DCLK1: variants seen among roughly 807,000 people sequenced by gnomAD.
DCLK1 encodes the protein serine/threonine-protein kinase DCLK1.
In DCLK1, 16 loss-of-function variants were observed where a neutral mutation model predicts 86.2. The observed-to-expected ratio is 0.19, with a 90% CI of 0.13 to 0.28. The LOEUF is 0.28. Ranked by LOEUF, DCLK1 falls within the 10% of genes least tolerant of loss-of-function variation. The probability of loss-of-function intolerance (pLI) is 1.00; values close to 1 mark genes in which losing one functional copy is unlikely to be tolerated. For synonymous variants in DCLK1, 369 were observed against 370.5 expected, an observed-to-expected ratio of 1.00 and a Z score of 0.05; for missense variants, 590 against 940.2, an observed-to-expected ratio of 0.63 and a Z score of 4.87.
chr13:35,886,494 C>T (rs1456787063), intron 4 of DCLK1, among the ~76,000 whole-genome samples: 2 of 151,932 alleles, frequency 1.3e-5, no homozygotes, highest in African/African-American at 2.4e-5. Flanking sequence ...AGAAAAAGCT[C>T]CCCCCGATGT....
At chr13:35,915,503 C>T (rs760367650) in intron 4 of DCLK1, among the ~76,000 whole-genome samples, 15 of 152,230 alleles carry the variant, frequency 9.9e-5, no homozygotes, top group Admixed American at 3.9e-4. Flanking sequence ...GAGTTGGAGA[C>T]CAGCCTGGGC....
chr13:35,920,793 A>G (rs1268612628), intron 4 of DCLK1, among the ~76,000 whole-genome samples: 1 of 152,068 alleles, frequency 6.6e-6, no homozygotes, highest in East Asian at 1.9e-4. Flanking sequence ...TCCCCCATAC[A>G]TACACAGCTG....
At chr13:35,996,079 C>T (rs1880459950) in intron 3 of DCLK1, among the ~76,000 whole-genome samples, 1 of 152,124 alleles carries the variant, frequency 6.6e-6, no homozygotes, top group African/African-American at 2.4e-5. Context: ...CAGGTGCCCA[C>T]CACCACGCCC....
chr13:35,872,088 A>C (rs1872311069), intron 4 of DCLK1, among the ~76,000 whole-genome samples: 1 of 152,196 alleles, frequency 6.6e-6, no homozygotes, highest in South Asian at 2.1e-4. Flanking sequence ...TTTCTCTCTT[A>C]GTGAGCTCCC....
intron 3 of DCLK1, among the ~76,000 whole-genome samples, chr13:36,026,077 G>C (rs1336308363): frequency 6.6e-6 from 1 of 152,090 alleles, no homozygotes; most frequent in Admixed American, 6.5e-5. Context: ...TGTCATGTTA[G>C]CTATACATTT....
chr13:36,117,686 A>G (rs558937942), intron 2 of DCLK1, among the ~76,000 whole-genome samples: 8 of 152,352 alleles, frequency 5.3e-5, no homozygotes, highest in African/African-American at 1.9e-4. Flanking sequence ...TAACAATGAA[A>G]CCTAAAAATT....
At chr13:35,900,632 C>T (rs1566593402) in intron 4 of DCLK1, among the ~76,000 whole-genome samples, 1 of 152,186 alleles carries the variant, frequency 6.6e-6, no homozygotes, top group African/African-American at 2.4e-5. Context: ...TGTTTCTCAA[C>T]CTTTGCACTA....
chr13:35,895,456 A>T lies in DCLK1; in HGVS notation c.824-24116T>A, dbSNP rs115877768. 9.4e-3 allele frequency among the ~76,000 whole-genome samples: 1,427 copies of T among 152,276 alleles called. 19 individuals are homozygous for T. The highest frequency in any genetic ancestry group is 0.033 in the African/African-American group (1,352 of 41,548). On this transcript the variant is annotated intron_variant, in intron 4 of 16. Coordinates refer to ENST00000360631, the MANE Select transcript of DCLK1 (RefSeq NM_001330071.2). The stretch of plus-strand genomic sequence containing the variant: ...ATTTACTTTTAGACTGGTCCCATTT[A>T]AATTACATGTAGGTATATTTTTCTA...
chr13:35,911,108 C>T (rs1298751988), intron 4 of DCLK1, among the ~76,000 whole-genome samples: 6 of 138,624 alleles, frequency 4.3e-5, no homozygotes, highest in Admixed American at 2.4e-4. Context: ...ACGGTGAAAC[C>T]CCATCTCTAC....
At chr13:35,875,195 AAG>A (rs1234316738) in intron 4 of DCLK1, among the ~76,000 whole-genome samples, 1 of 152,266 alleles carries the variant, frequency 6.6e-6, no homozygotes, top group East Asian at 1.9e-4. Flanking sequence ...AATAAAAATC[AAG>A]ATGATCATGA....
chr13:35,785,736 G>A (rs539269367), intron 16 of DCLK1, among the ~76,000 whole-genome samples: 4 of 152,208 alleles, frequency 2.6e-5, no homozygotes, highest in Non-Finnish European at 4.4e-5. Context: ...AGCCATGAGC[G>A]CTTTAAACAC....
chr13:36,012,192 C>A (rs532608308), intron 3 of DCLK1, among the ~76,000 whole-genome samples: 14 of 139,388 alleles, frequency 1.0e-4, no homozygotes, highest in African/African-American at 3.6e-4. Context: ...ATTTGCCAGT[C>A]TGTGTCTTTT....
rs187611906 is a variant in DCLK1, at chr13:35,833,675, C to G, written c.1229+2358G>C. Among the ~76,000 whole-genome samples, 329 of 152,302 alleles carry G rather than the reference C, an allele frequency of 2.2e-3. 2 individuals are homozygous for G. Among genetic ancestry groups the G allele is most frequent in the African/African-American group, 7.4e-3 (308 of 41,572 alleles). On this transcript the variant is annotated intron_variant, in intron 8 of 16. Transcript: ENST00000360631. ...TTAGCAGAGGAGAGGCATATTCACC[C>G]TTGGTAATACATATTCATCCTTCCA...
chr13:35,815,181 C>A (rs538795777), intron 11 of DCLK1, among the ~76,000 whole-genome samples: 64 of 152,276 alleles, frequency 4.2e-4, no homozygotes, highest in Middle Eastern at 6.8e-3. Context: ...GCATTAGCTA[C>A]AACTTACTGA....
At chr13:36,031,880 C>A (rs567680894) in intron 3 of DCLK1, among the ~76,000 whole-genome samples, 1 of 152,294 alleles carries the variant, frequency 6.6e-6, no homozygotes, top group Non-Finnish European at 1.5e-5. Flanking sequence ...CAGATCCCTG[C>A]TAGGCCCCAC....
intron 3 of DCLK1, among the ~76,000 whole-genome samples, chr13:35,978,482 C>T (rs1363442709): frequency 6.6e-6 from 1 of 151,696 alleles, no homozygotes; most frequent in Non-Finnish European, 1.5e-5. Context: ...CTGGGATTAC[C>T]GGCGTGAGCC....
intron 16 of DCLK1, among the ~76,000 whole-genome samples, chr13:35,790,026 C>T (rs933584861): frequency 2.6e-5 from 4 of 152,170 alleles, no homozygotes; most frequent in Non-Finnish European, 5.9e-5. Context: ...TGTCAGAGCA[C>T]CTTTCCTCCT....
chr13:35,908,306 C>G (rs534557434), intron 4 of DCLK1, among the ~76,000 whole-genome samples: 1 of 152,310 alleles, frequency 6.6e-6, no homozygotes, highest in Admixed American at 6.5e-5. Context: ...TTCATCATTT[C>G]TCAATAGAAG....
At chr13:36,007,889 A>T (rs1047221811) in intron 3 of DCLK1, among the ~76,000 whole-genome samples, 3 of 152,048 alleles carry the variant, frequency 2.0e-5, no homozygotes, top group African/African-American at 7.2e-5. Flanking sequence ...ATCTTGGATG[A>T]TCTTTGACTT....
Sources: gnomAD v4.1 joint callset for allele counts (sites outside exome capture counted in the v4.1 genomes callset) on GRCh38, gnomAD v4.1.1 for gene constraint, MANE v1.5 for transcripts, NCBI Gene and HGNC (gene_info 2026-07-23, HGNC 2026-07-21) for gene names.